PCCA: variants seen among roughly 807,000 people sequenced by gnomAD.
PCCA encodes propionyl-CoA carboxylase subunit alpha, also known as propionyl-CoA carboxylase alpha chain, mitochondrial.
PCCA carries 74 observed loss-of-function variants against 101.3 expected under a neutral mutation model. The ratio of observed to expected loss-of-function variants is 0.73; its 90% CI spans 0.61 to 0.89. PCCA has a LOEUF of 0.89. Ranked by LOEUF, PCCA falls within the 40% of genes least tolerant of loss-of-function variation. The pLI is 0.00. For synonymous variants in PCCA, 294 were observed against 313.6 expected (o/e 0.94, Z 0.66); for missense variants, 891 against 907.0 (o/e 0.98, Z 0.23).
intron 19 of PCCA, among the ~76,000 whole-genome samples, chr13:100,390,277 A>G (rs1037465455): frequency 2.6e-5 from 4 of 152,208 alleles, no homozygotes; most frequent in African/African-American, 7.2e-5. Flanking sequence ...TATTAGTCCT[A>G]TTTTTAAGTA....
chr13:100,153,352 A>G (rs936410266), intron 4 of PCCA, among the ~76,000 whole-genome samples: 16 of 152,224 alleles, frequency 1.1e-4, no homozygotes, highest in African/African-American at 3.6e-4. Context: ...CTCAGAGTTT[A>G]GATTAGAGGA....
intron 21 of PCCA, among the ~76,000 whole-genome samples, chr13:100,450,063 A>G (rs2081108544): frequency 2.0e-5 from 3 of 152,228 alleles, no homozygotes; most frequent in Non-Finnish European, 4.4e-5. Flanking sequence ...ATTAGTTACT[A>G]TAATTTTCAA....
chr13:100,468,441 A>G (rs921443105), intron 21 of PCCA, among the ~76,000 whole-genome samples: 2 of 152,250 alleles, frequency 1.3e-5, no homozygotes, highest in South Asian at 2.1e-4. Context: ...TTTTGTCTAC[A>G]CTGAAAATCT....
chr13:100,180,891 C>T (rs1473174727), intron 6 of PCCA, among the ~76,000 whole-genome samples: 1 of 152,196 alleles, frequency 6.6e-6, no homozygotes, highest in Non-Finnish European at 1.5e-5. Context: ...ATTTTATCTT[C>T]CCTGACAATT....
chr13:100,308,559 C>G lies in PCCA; in HGVS notation c.1354-1274C>G, dbSNP rs117967633. Among the ~76,000 whole-genome samples, 74 of 152,108 alleles carry G rather than the reference C, an allele frequency of 4.9e-4. 1 individual carries two copies. In the East Asian group the frequency reaches 0.014, roughly 28 times the overall value. Reference sequence around the variant, plus strand: ...CAGGCTGATCTCGAATACCTGAGCTCAAGCAATCCACCCGCCTCGGCCTCT... The same window carrying G: ...CAGGCTGATCTCGAATACCTGAGCTGAAGCAATCCACCCGCCTCGGCCTCT... On this transcript the variant is annotated intron_variant, in intron 15 of 23. Transcript: ENST00000376285.
At chr13:100,161,097 T>A (rs7331834) in intron 6 of PCCA, 8,269 of 152,302 alleles carry the variant, frequency 0.054, 325 homozygotes, top group Middle Eastern at 0.11. Flanking sequence ...CTCTTTTATC[T>A]TCTTTCTTTC....
chr13:100,231,936 C>T (rs1372556916), intron 7 of PCCA, among the ~76,000 whole-genome samples: 4 of 152,102 alleles, frequency 2.6e-5, no homozygotes, highest in Non-Finnish European at 4.4e-5. Flanking sequence ...CTTTCCTGTG[C>T]GTTCAAATGT....
chr13:100,258,528 T>C (rs1262727782), intron 9 of PCCA, among the ~76,000 whole-genome samples: 1 of 152,238 alleles, frequency 6.6e-6, no homozygotes, highest in Non-Finnish European at 1.5e-5. Context: ...AGTACTTACA[T>C]AGCAATTTCA....
At chr13:100,365,730 C>T (rs371932450) in intron 18 of PCCA, among the ~76,000 whole-genome samples, 3 of 152,070 alleles carry the variant, frequency 2.0e-5, no homozygotes, top group Admixed American at 6.6e-5. Flanking sequence ...GAATATAGGC[C>T]GAGAGCCGGG....
chr13:100,486,875 T>A (rs2084419731), intron 21 of PCCA, among the ~76,000 whole-genome samples: 1 of 152,194 alleles, frequency 6.6e-6, no homozygotes, highest in African/African-American at 2.4e-5. Context: ...GCTGTGATCG[T>A]ACCACTGCAC....
intron 4 of PCCA, among the ~76,000 whole-genome samples, chr13:100,126,768 A>C (rs2049996030): frequency 6.6e-6 from 1 of 152,240 alleles, no homozygotes; most frequent in South Asian, 2.1e-4. Context: ...AGGCAAATTT[A>C]AAGAGTTATT....
intron 17 of PCCA, among the ~76,000 whole-genome samples, chr13:100,334,874 T>G (rs569267309): frequency 3.3e-5 from 5 of 152,274 alleles, no homozygotes; most frequent in African/African-American, 1.2e-4. Flanking sequence ...ATAATAGAGA[T>G]TTTTTTCTCA....
At chr13:100,322,508 A>G (rs954182870) in intron 16 of PCCA, among the ~76,000 whole-genome samples, 9 of 152,008 alleles carry the variant, frequency 5.9e-5, no homozygotes, top group Admixed American at 2.6e-4. Context: ...ATTGTGATAT[A>G]TAATGTGCTA....
intron 19 of PCCA, among the ~76,000 whole-genome samples, chr13:100,370,579 A>G (rs2075515350): frequency 6.6e-6 from 1 of 152,200 alleles, no homozygotes; most frequent in African/African-American, 2.4e-5. Flanking sequence ...ATATAATATC[A>G]GAAATGATTT....
chr13:100,468,916 G>T (rs2082743081), intron 21 of PCCA, among the ~76,000 whole-genome samples: 1 of 151,830 alleles, frequency 6.6e-6, no homozygotes, highest in South Asian at 2.1e-4. Flanking sequence ...CAAGAACAAA[G>T]AAACAATCCC....
In PCCA at chr13:100,339,301, A is replaced by T. The variant is rs899224148; in HGVS notation, c.1541-856A>T. 4.6e-5 allele frequency among the ~76,000 whole-genome samples: 7 copies of T among 152,298 alleles called. No individual in the cohort carries two copies. The East Asian group carries it at 1.2e-3, about 25-fold the overall frequency. On this transcript the variant is annotated intron_variant, in intron 17 of 23. Coordinates refer to ENST00000376285, the MANE Select transcript of PCCA (RefSeq NM_000282.4). ...TTTCAACCTGCAGTTGTTTGAATCC[A>T]TGGAGGGTCGACTGTAAAAGTAGCA...
intron 8 of PCCA, among the ~76,000 whole-genome samples, chr13:100,256,508 A>G (rs1050059145): frequency 1.5e-4 from 23 of 152,200 alleles, no homozygotes; most frequent in African/African-American, 5.1e-4. Context: ...ACCAGCCCAT[A>G]TAAACATCAT....
At chr13:100,366,801 A>T (rs1359970499) in intron 18 of PCCA, among the ~76,000 whole-genome samples, 12 of 151,452 alleles carry the variant, frequency 7.9e-5, no homozygotes, top group Admixed American at 5.3e-4. Context: ...TTTTTTTTTT[A>T]CTTTTATTTT....
At chr13:100,389,567 C>A (rs2076701006) in intron 19 of PCCA, among the ~76,000 whole-genome samples, 1 of 152,090 alleles carries the variant, frequency 6.6e-6, no homozygotes, top group Non-Finnish European at 1.5e-5. Flanking sequence ...AAGAAACCCT[C>A]ATGACACAAG....
Sources: allele counts gnomAD v4.1 joint callset (sites outside exome capture counted in the v4.1 genomes callset), GRCh38; gene constraint gnomAD v4.1.1; transcripts MANE v1.5; gene names NCBI Gene and HGNC (gene_info 2026-07-23, HGNC 2026-07-21).